The following SLC8A1 variants were observed in gnomAD, a reference collection of about 807,000 sequenced individuals.
SLC8A1 encodes sodium/calcium exchanger 1.
In SLC8A1, 18 loss-of-function variants were observed where a neutral mutation model predicts 68.3. The observed-to-expected ratio is 0.26, with a 90% CI of 0.18 to 0.39. The LOEUF (loss-of-function observed/expected upper bound fraction) is 0.39. Ranked by LOEUF, SLC8A1 falls within the 10% of genes least tolerant of loss-of-function variation. SLC8A1 has a pLI of 1.00. For synonymous variants in SLC8A1, 475 were observed against 415.5 expected (o/e 1.14, Z -1.74); for missense variants, 985 against 1,156.7 (o/e 0.85, Z 2.15).
At chr2:40,369,582 A>T (rs1677351617) in intron 2 of SLC8A1, among the ~76,000 whole-genome samples, 1 of 152,106 alleles carries the variant, frequency 6.6e-6, no homozygotes, top group African/African-American at 2.4e-5. Flanking sequence ...TGTTTAAATA[A>T]TGCTTATTGG....
chr2:40,154,036 G>C (rs1461574426), intron 6 of SLC8A1, among the ~76,000 whole-genome samples: 1 of 152,172 alleles, frequency 6.6e-6, no homozygotes, highest in Non-Finnish European at 1.5e-5. Context: ...CTAGGATTGA[G>C]CTGAAAGCCT....
exon 8 of SLC8A1, chr2:40,100,424 G>T (rs908917660): frequency 6.6e-6 from 1 of 152,112 alleles, no homozygotes; most frequent in Non-Finnish European, 1.5e-5. Flanking sequence ...GACGGCAAAA[G>T]TTGGGAATGA....
intron 6 of SLC8A1, among the ~76,000 whole-genome samples, chr2:40,141,400 A>G (rs2041543646): frequency 6.6e-6 from 1 of 152,230 alleles, no homozygotes; most frequent in South Asian, 2.1e-4. Flanking sequence ...CTGCTCTTTC[A>G]TGAGCACATG....
chr2:40,170,409 C>T, intron 4 of SLC8A1, 60 bp from the exon 7 acceptor site: 1 of 1,448,562 alleles, frequency 6.9e-7, no homozygotes, highest in Non-Finnish European at 9.7e-7. Flanking sequence ...GCTATCAGAG[C>T]TTTGTGGAAT....
At chr2:40,429,407 C>G (rs1697735391) in exon 2 of SLC8A1, 1 of 1,613,750 alleles carries the variant, frequency 6.2e-7, no homozygotes, top group South Asian at 1.1e-5. Flanking sequence ...ACTTTCCCGT[C>G]CATTTCAATT....
chr2:40,452,458 C>T (rs999692726), upstream of SLC8A1, among the ~76,000 whole-genome samples: 2 of 152,168 alleles, frequency 1.3e-5, no homozygotes, highest in Non-Finnish European at 1.5e-5. Context: ...CTCTCGCACC[C>T]AGCCCATCGA....
At chr2:40,231,132 T>A (rs2059594590) in intron 2 of SLC8A1, among the ~76,000 whole-genome samples, 1 of 152,182 alleles carries the variant, frequency 6.6e-6, no homozygotes. Flanking sequence ...GAATGCTCAG[T>A]TTCCAGAAGA....
At chr2:40,278,701 T>C (rs1484987140) in intron 2 of SLC8A1, among the ~76,000 whole-genome samples, 3 of 152,154 alleles carry the variant, frequency 2.0e-5, no homozygotes, top group Non-Finnish European at 4.4e-5. Flanking sequence ...ACTGATGGGG[T>C]ACGTGGACTT....
intron 2 of SLC8A1, chr2:40,177,867 C>T (rs533286041): frequency 1.3e-6 from 2 of 1,521,138 alleles, no homozygotes; most frequent in South Asian, 2.4e-5. Context: ...TGTGGGAACA[C>T]AAGACAAAGG....
At chr2:40,240,719 G>C (rs2061104809) in intron 2 of SLC8A1, among the ~76,000 whole-genome samples, 1 of 152,140 alleles carries the variant, frequency 6.6e-6, no homozygotes, top group Non-Finnish European at 1.5e-5. Flanking sequence ...CATTTTTCTA[G>C]TTTAAAAGTG....
intron 2 of SLC8A1, among the ~76,000 whole-genome samples, chr2:40,324,820 G>A (rs962294821): frequency 6.6e-6 from 1 of 152,044 alleles, no homozygotes; most frequent in Non-Finnish European, 1.5e-5. Context: ...TAGAAATGTC[G>A]CAGTAGCATG....
intron 1 of SLC8A1, among the ~76,000 whole-genome samples, chr2:40,447,308 A>C (rs554623476): frequency 6.6e-6 from 1 of 152,136 alleles, no homozygotes. Flanking sequence ...TAAATGGCTA[A>C]ATCTTCAAGA....
intron 7 of SLC8A1, among the ~76,000 whole-genome samples, chr2:40,124,582 C>T (rs1408122311): frequency 1.3e-5 from 2 of 152,104 alleles, no homozygotes; most frequent in South Asian, 2.1e-4. Context: ...ACAGATTAGT[C>T]ATAGGATACA....
chr2:40,105,719 A>G (rs887755877), exon 8 of SLC8A1: 1 of 151,914 alleles, frequency 6.6e-6, no homozygotes, highest in Non-Finnish European at 1.5e-5. Context: ...AGGCTTGTCA[A>G]ACAAAACAGG....
intron 3 of SLC8A1, 58 bp downstream of exon 4, chr2:40,175,203 C>A: frequency 1.3e-6 from 2 of 1,550,452 alleles, no homozygotes; most frequent in East Asian, 2.2e-5. Context: ...TATCACCTGA[C>A]GGAAATGGAA....
intron 2 of SLC8A1, among the ~76,000 whole-genome samples, chr2:40,357,550 A>T (rs540047085): frequency 1.2e-3 from 189 of 151,500 alleles, no homozygotes; most frequent in African/African-American, 4.4e-3. Context: ...TTCTGTGCTC[A>T]GTGTAGAAGT....
At chr2:40,438,442 T>A (rs766524474) in intron 1 of SLC8A1, among the ~76,000 whole-genome samples, 24 of 152,206 alleles carry the variant, frequency 1.6e-4, no homozygotes, top group Non-Finnish European at 3.4e-4. Context: ...CTTCATTTAT[T>A]CATCAAGCCT....
chr2:40,122,864 C>T (rs1189970594), intron 7 of SLC8A1, among the ~76,000 whole-genome samples: 1 of 152,144 alleles, frequency 6.6e-6, no homozygotes, highest in African/African-American at 2.4e-5. Flanking sequence ...AATGTTTGCA[C>T]TTTATGGAGG....
At chr2:40,305,023 A>T (rs1402045064) in intron 2 of SLC8A1, among the ~76,000 whole-genome samples, 1 of 152,202 alleles carries the variant, frequency 6.6e-6, no homozygotes, top group African/African-American at 2.4e-5. Flanking sequence ...ATTCTGACTC[A>T]GTAGGTCTGG....
Sources: gnomAD v4.1 joint callset for allele counts (sites outside exome capture counted in the v4.1 genomes callset) on GRCh38, gnomAD v4.1.1 for gene constraint, MANE v1.5 for transcripts, NCBI Gene and HGNC (gene_info 2026-07-23, HGNC 2026-07-21) for gene names.